Variants in ANGPT2 observed in about 807,000 individuals in gnomAD.
ANGPT2 encodes angiopoietin 2, also known as angiopoietin-2.
In ANGPT2, 28 loss-of-function variants were observed where a neutral mutation model predicts 62.9. The observed-to-expected ratio is 0.44, with a 90% confidence interval of 0.33 to 0.61. The LOEUF is 0.61. Ranked by LOEUF, ANGPT2 falls within the 20% of genes least tolerant of loss-of-function variation. The probability of loss-of-function intolerance (pLI) is 0.03; values close to 1 mark genes in which losing one functional copy is unlikely to be tolerated. For synonymous variants in ANGPT2, 284 were observed against 207.8 expected (o/e 1.37, Z -3.15); for missense variants, 727 against 594.9 (o/e 1.22, Z -2.31).
At chr8:6,548,197 G>A (rs994458383) in intron 1 of ANGPT2, among the ~76,000 whole-genome samples, 1 of 152,040 alleles carries the variant, frequency 6.6e-6, no homozygotes, top group South Asian at 2.1e-4. Context: ...GGCACGCTTT[G>A]ACTTTAGAAG....
chr8:6,536,265 C>G (rs986961699), intron 1 of ANGPT2, among the ~76,000 whole-genome samples: 2 of 152,026 alleles, frequency 1.3e-5, no homozygotes, highest in African/African-American at 4.8e-5. Flanking sequence ...GCCGGCACTG[C>G]CTGTGCTGTA....
chr8:6,534,961 A>G (rs1309073570), intron 1 of ANGPT2, among the ~76,000 whole-genome samples: 1 of 152,240 alleles, frequency 6.6e-6, no homozygotes, highest in Non-Finnish European at 1.5e-5. Flanking sequence ...TGTGTCACCC[A>G]GAGGCACTGT....
chr8:6,503,297 G>C (rs373487640), intron 8 of ANGPT2, 36 bp from the exon 9 acceptor site: 337 of 1,611,702 alleles, frequency 2.1e-4, no homozygotes, highest in Non-Finnish European at 2.7e-4. Flanking sequence ...TTAGGAACTA[G>C]GTGATGCCAG....
At position 6,513,395 on chromosome 8, in the gene ANGPT2, C is replaced by G. The variant is rs576319941; in HGVS notation, c.1196+283G>C. On this transcript the variant is annotated intron_variant, in intron 7 of 8. Coordinates refer to ENST00000629816, the MANE Select transcript of ANGPT2 (RefSeq NM_001118887.2). ...TCGCCCAGGTTGCAGTGCCGTGGCA[C>G]GATCTCGGCTCACTGCAAGCTCCGC... 6.0e-5 allele frequency among the ~76,000 whole-genome samples: 9 copies of G among 150,644 alleles called. No homozygotes were observed. In the East Asian group the frequency reaches 1.8e-3, roughly 30 times the overall value.
intron 3 of ANGPT2, among the ~76,000 whole-genome samples, chr8:6,526,975 G>A (rs757393007): frequency 2.0e-5 from 3 of 152,130 alleles, no homozygotes; most frequent in Non-Finnish European, 4.4e-5. Context: ...TTTATCGTGT[G>A]TTTGAAGAGG....
chr8:6,518,765 C>T (rs1196065620), intron 5 of ANGPT2, among the ~76,000 whole-genome samples: 4 of 152,192 alleles, frequency 2.6e-5, no homozygotes, highest in Admixed American at 2.0e-4. Context: ...GCTGCTTTTA[C>T]ATTTATATGC....
intron 1 of ANGPT2, among the ~76,000 whole-genome samples, chr8:6,559,035 G>A (rs1825093616): frequency 6.6e-6 from 1 of 151,990 alleles, no homozygotes; most frequent in East Asian, 1.9e-4. Flanking sequence ...CTAACACTGA[G>A]CACAATCATA....
chr8:6,513,618 C>A lies in ANGPT2; in HGVS notation c.1196+60G>T. 4 of 1,489,508 alleles carry A rather than the reference C, an allele frequency of 2.7e-6. No homozygotes were observed. In the South Asian group the frequency reaches 5.2e-5, roughly 19 times the overall value. The allele number at this position is 1,489,508 out of a possible 1,614,324, so 92.3% of individuals were successfully genotyped here. A position where few individuals can be genotyped will look rare whatever the true frequency, so the allele number is the denominator to read the frequency against. On this transcript the variant is annotated intron_variant, in intron 7 of 8. Coordinates refer to ENST00000629816, the MANE Select transcript of ANGPT2 (RefSeq NM_001118887.2). ...AAAGTGCTGGGATTACAGGCGTGAG[C>A]CACCGTGCCCGGCCACAAATCTTTT...
At chr8:6,539,011 C>G (rs971052270) in intron 1 of ANGPT2, among the ~76,000 whole-genome samples, 4 of 144,460 alleles carry the variant, frequency 2.8e-5, no homozygotes, top group East Asian at 2.0e-4. Flanking sequence ...TCTCCTCCCC[C>G]TCCTTTTAGA....
Position 6,533,819 on chromosome 8 carries a change from C to G in ANGPT2, c.289-1332G>C, listed in dbSNP as rs961875483. Among the ~76,000 whole-genome samples, 6 of 152,094 alleles carry G rather than the reference C, an allele frequency of 3.9e-5. No individual in the cohort carries two copies. In the South Asian group the frequency reaches 6.2e-4, roughly 16 times the overall value. On this transcript the variant is annotated intron_variant, in intron 1 of 8. Transcript: ENST00000629816. ...AGTCAGTCATCAGACATGATTTCCC[C>G]CAAAATGTTAACCACTAAATAATTC...
chr8:6,510,166 T>C (rs568164044), intron 7 of ANGPT2, among the ~76,000 whole-genome samples: 1 of 151,706 alleles, frequency 6.6e-6, no homozygotes, highest in Non-Finnish European at 1.5e-5. Flanking sequence ...TTCTTTTTTT[T>C]TTTTTATTTT....
Position 6,501,936 on chromosome 8 carries a change from T to C in ANGPT2, c.*1165A>G, listed in dbSNP as rs1397354989. ...TTTTTGCACTTTGAAACCCTTTTTTTTTTTTCAGTTTGCTGATTGACATAA... is the reference window on the plus strand; with the variant it reads ...TTTTTGCACTTTGAAACCCTTTTTTCTTTTTCAGTTTGCTGATTGACATAA... On this transcript the variant is annotated 3_prime_UTR_variant, in exon 9 of 9. Coordinates refer to ENST00000629816, the MANE Select transcript of ANGPT2 (RefSeq NM_001118887.2). 1 of 152,036 alleles carries C rather than the reference T, an allele frequency of 6.6e-6. No individual in the cohort carries two copies. The highest frequency in any genetic ancestry group is 1.5e-5 in the Non-Finnish European group (1 of 68,004). 9.4% of individuals were successfully genotyped at this position (152,036 alleles called of 1,614,324 possible). A position where few individuals can be genotyped will look rare whatever the true frequency, so the allele number is the denominator to read the frequency against.
chr8:6,500,999 G>C lies in ANGPT2; in HGVS notation c.*2102C>G, dbSNP rs1192919658. On this transcript the variant is annotated 3_prime_UTR_variant, in exon 9 of 9. Transcript: ENST00000629816. ...TCCTAGAAACTTGTTGTTGTCTTTCGAGGCTGTGAAATTTTCTTATTTTCA... is the reference window on the plus strand; with the variant it reads ...TCCTAGAAACTTGTTGTTGTCTTTCCAGGCTGTGAAATTTTCTTATTTTCA... The C allele has an allele frequency of 6.6e-6, 1 of 152,136 alleles. No homozygotes were observed. The highest frequency in any genetic ancestry group is 1.5e-5 in the Non-Finnish European group (1 of 68,022). 9.4% of individuals were successfully genotyped at this position (152,136 alleles called of 1,614,324 possible).
intron 1 of ANGPT2, among the ~76,000 whole-genome samples, chr8:6,559,227 G>T (rs1450624983): frequency 3.4e-5 from 1 of 28,990 alleles, no homozygotes. Flanking sequence ...AGCCACACAC[G>T]ACAACACACA....
chr8:6,542,703 T>C (rs1026115115), intron 1 of ANGPT2, among the ~76,000 whole-genome samples: 4 of 152,198 alleles, frequency 2.6e-5, no homozygotes, highest in African/African-American at 7.2e-5. Context: ...CTCTCTGCCC[T>C]GTTTTTGCTG....
intron 1 of ANGPT2, among the ~76,000 whole-genome samples, chr8:6,545,301 A>G (rs768134074): frequency 3.3e-5 from 5 of 152,192 alleles, no homozygotes; most frequent in Non-Finnish European, 7.3e-5. Context: ...AAAAGTTATC[A>G]AGCTGTAAAT....
chr8:6,514,781 G>A lies in ANGPT2; in HGVS notation c.928-3C>T, dbSNP rs775975956. 5 of 1,613,492 alleles carry A rather than the reference G, an allele frequency of 3.1e-6. No individual in the cohort carries two copies. In the African/African-American group the frequency reaches 6.7e-5, roughly 22 times the overall value. On this transcript the variant is annotated splice_region_variant and splice_polypyrimidine_tract_variant and intron_variant, in intron 5 of 8. Coordinates refer to ENST00000629816, the MANE Select transcript of ANGPT2 (RefSeq NM_001118887.2). ...CCAGCTTCCATGTCACAGTAGGCCT[G>A]CAAACAGGAATGCAGGGTATAAGTG...
intron 3 of ANGPT2, among the ~76,000 whole-genome samples, chr8:6,522,015 C>T (rs772617553): frequency 4.5e-4 from 68 of 152,188 alleles, no homozygotes; most frequent in Admixed American, 3.8e-3. Context: ...AATTAGGATA[C>T]TATCACCTAG....
intron 8 of ANGPT2, 135 bp from the exon 9 acceptor site, chr8:6,503,396 A>G (rs1812592052): frequency 1.2e-6 from 1 of 828,420 alleles, no homozygotes; most frequent in African/African-American, 1.7e-5. Context: ...TGGTGAGTAT[A>G]GGATGTGCAC....
Sources: allele counts gnomAD v4.1 joint callset (sites outside exome capture counted in the v4.1 genomes callset), GRCh38; gene constraint gnomAD v4.1.1; transcripts MANE v1.5; gene names NCBI Gene and HGNC (gene_info 2026-07-23, HGNC 2026-07-21).